STK32B: variants seen among roughly 807,000 people sequenced by gnomAD.
The protein encoded by STK32B is serine/threonine-protein kinase 32B.
Under a neutral mutation model 52.6 loss-of-function variants are expected in STK32B, and 43 were observed. The observed-to-expected ratio is 0.82, with a 90% CI of 0.64 to 1.05. The LOEUF (loss-of-function observed/expected upper bound fraction) is 1.05, where lower values mean the gene tolerates loss of function less well. STK32B is among the 50% of genes least tolerant of loss of function. The probability of loss-of-function intolerance (pLI) is 0.00; values close to 1 mark genes in which losing one functional copy is unlikely to be tolerated. For synonymous variants in STK32B, 238 were observed against 204.3 expected, an observed-to-expected ratio of 1.17 and a Z score of -1.41; for missense variants, 621 against 534.6, an observed-to-expected ratio of 1.16 and a Z score of -1.59.
intron 1 of STK32B, among the ~76,000 whole-genome samples, chr4:5,105,976 C>T (rs1447418685): frequency 1.6e-4 from 24 of 152,060 alleles, no homozygotes; most frequent in Admixed American, 1.4e-3. Flanking sequence ...CTTTTGTATT[C>T]ATTGCCCATA....
intron 1 of STK32B, among the ~76,000 whole-genome samples, chr4:5,128,806 G>T (rs1313945835): frequency 6.6e-6 from 1 of 152,214 alleles, no homozygotes; most frequent in Non-Finnish European, 1.5e-5. Flanking sequence ...TACCGGCTCA[G>T]GATATGAATG....
At position 5,294,041 on chromosome 4, in the gene STK32B, G is replaced by A. The variant is rs188066622; in HGVS notation, c.261-37179G>A. Among the ~76,000 whole-genome samples the A allele has an allele frequency of 1.3e-4, 20 of 152,254 alleles. No individual in the cohort carries two copies. The East Asian group carries it at 3.5e-3, about 26-fold the overall frequency. On this transcript the variant is annotated intron_variant, in intron 3 of 11. Coordinates refer to ENST00000282908, the MANE Select transcript of STK32B (RefSeq NM_018401.3). ...TTTTCCCAAAACCATTTATTAAATA[G>A]GGAATCCTTTCCCCATTGGTTGTTT... is the stretch of plus-strand genomic sequence containing the variant.
intron 6 of STK32B, among the ~76,000 whole-genome samples, chr4:5,443,048 C>T (rs1714952578): frequency 6.6e-6 from 1 of 151,032 alleles, no homozygotes; most frequent in African/African-American, 2.4e-5. Context: ...TTTTTTCCTT[C>T]ATTTCAACTT....
intron 5 of STK32B, among the ~76,000 whole-genome samples, chr4:5,414,718 A>G (rs1019273323): frequency 1.3e-4 from 20 of 152,252 alleles, no homozygotes; most frequent in Non-Finnish European, 2.6e-4. Flanking sequence ...AAGAGAAATC[A>G]TATATACATT....
intron 3 of STK32B, among the ~76,000 whole-genome samples, chr4:5,256,470 TC>T (rs1256715276): frequency 1.3e-5 from 2 of 152,174 alleles, no homozygotes; most frequent in Non-Finnish European, 2.9e-5. Flanking sequence ...AAGTAATTCT[TC>T]CCCGGCTCTA....
chr4:5,321,332 C>A (rs1330274101), intron 3 of STK32B, among the ~76,000 whole-genome samples: 1 of 152,168 alleles, frequency 6.6e-6, no homozygotes, highest in Admixed American at 6.5e-5. Flanking sequence ...TGTGAGTTAT[C>A]ATTTATCCTT....
intron 6 of STK32B, among the ~76,000 whole-genome samples, chr4:5,417,137 C>T (rs1030204549): frequency 6.6e-6 from 1 of 152,222 alleles, no homozygotes; most frequent in African/African-American, 2.4e-5. Flanking sequence ...AACCCCTCTC[C>T]TCTTGGTTTT....
chr4:5,354,514 C>T (rs945168862), intron 4 of STK32B, among the ~76,000 whole-genome samples: 3 of 152,232 alleles, frequency 2.0e-5, no homozygotes, highest in Non-Finnish European at 4.4e-5. Flanking sequence ...GATCCGCCCA[C>T]CTTGACCTCT....
At chr4:5,168,024 G>A (rs1719021684) in intron 2 of STK32B, among the ~76,000 whole-genome samples, 1 of 152,190 alleles carries the variant, frequency 6.6e-6, no homozygotes, top group Non-Finnish European at 1.5e-5. Context: ...GGGCAGGCCT[G>A]CTTCTTCCAT....
At chr4:5,154,656 G>A (rs184206454) in intron 2 of STK32B, among the ~76,000 whole-genome samples, 158 of 152,310 alleles carry the variant, frequency 1.0e-3, no homozygotes, top group Non-Finnish European at 1.7e-3. Flanking sequence ...GGTGCTCCTA[G>A]TGTCATCCTC....
the STK32B span, among the ~76,000 whole-genome samples, chr4:5,028,401 A>C: frequency 6.6e-6 from 1 of 152,246 alleles, no homozygotes; most frequent in Non-Finnish European, 1.5e-5. Context: ...TCCTGGTCCC[A>C]GGCCAGGATT....
the STK32B span, among the ~76,000 whole-genome samples, chr4:5,024,920 A>C: frequency 6.6e-6 from 1 of 151,910 alleles, no homozygotes; most frequent in Non-Finnish European, 1.5e-5. Context: ...CTGCACCCCC[A>C]ACCCCAGGCT....
At chr4:5,232,300 TAAATA>T (rs949081619) in intron 3 of STK32B, among the ~76,000 whole-genome samples, 16 of 152,314 alleles carry the variant, frequency 1.1e-4, no homozygotes, top group African/African-American at 3.6e-4. Context: ...ATTAATGTAT[TAAATA>T]AGATCTAAGA....
chr4:5,165,516 C>T (rs894744884), intron 2 of STK32B, among the ~76,000 whole-genome samples: 4 of 152,148 alleles, frequency 2.6e-5, no homozygotes, highest in South Asian at 2.1e-4. Context: ...CTTTTCACAG[C>T]GATGCAGCCA....
At chr4:5,122,564 C>T (rs146769208) in intron 1 of STK32B, among the ~76,000 whole-genome samples, 27 of 152,010 alleles carry the variant, frequency 1.8e-4, no homozygotes, top group African/African-American at 6.5e-4. Flanking sequence ...CATTCACTCA[C>T]TCACTTGCTC....
chr4:5,465,202 A>G (rs896153106), intron 9 of STK32B, among the ~76,000 whole-genome samples: 4 of 152,274 alleles, frequency 2.6e-5, no homozygotes, highest in South Asian at 2.1e-4. Context: ...ACAACTCGGT[A>G]ACATTTATTG....
chr4:5,231,821 T>A (rs1470058500), intron 3 of STK32B, among the ~76,000 whole-genome samples: 1 of 152,086 alleles, frequency 6.6e-6, no homozygotes, highest in Non-Finnish European at 1.5e-5. Context: ...GAGAAAGAGA[T>A]CAATAGCCCA....
chr4:5,280,194 C>CT lies in STK32B; in HGVS notation c.261-51018dup, dbSNP rs938896563. Among the ~76,000 whole-genome samples, 7 of 152,034 alleles carry CT rather than the reference C, an allele frequency of 4.6e-5. No individual in the cohort carries two copies. In the East Asian group the frequency reaches 1.2e-3, roughly 25 times the overall value. On this transcript the variant is annotated intron_variant, in intron 3 of 11. Coordinates refer to ENST00000282908, the MANE Select transcript of STK32B (RefSeq NM_018401.3). The stretch of plus-strand genomic sequence containing the variant: ...TTAAATATAAGTTCTAGTTTCTGGT[C>CT]TTTTTTTTGTTCAACATTTCTCTCA...
At chr4:5,486,439 A>G (rs531728059) in intron 11 of STK32B, among the ~76,000 whole-genome samples, 1 of 152,334 alleles carries the variant, frequency 6.6e-6, no homozygotes, top group South Asian at 2.1e-4. Context: ...TTGTAAAAGC[A>G]GTATTAGGGT....
Sources: allele counts gnomAD v4.1 joint callset (sites outside exome capture counted in the v4.1 genomes callset), GRCh38; gene constraint gnomAD v4.1.1; transcripts MANE v1.5; gene names NCBI Gene and HGNC (gene_info 2026-07-23, HGNC 2026-07-21).